The following NAALADL2 variants were observed in gnomAD, a reference collection of about 807,000 sequenced individuals.
NAALADL2 encodes the protein inactive N-acetylated-alpha-linked acidic dipeptidase-like protein 2.
A neutral mutation model predicts 87.2 loss-of-function variants in NAALADL2; 76 were observed. The ratio of observed to expected loss-of-function variants is 0.87; its 90% CI spans 0.72 to 1.05. The LOEUF (loss-of-function observed/expected upper bound fraction) is 1.05, where lower values mean the gene tolerates loss of function less well. Ranked by LOEUF, NAALADL2 falls within the 50% of genes least tolerant of loss-of-function variation. The pLI is 0.00. For synonymous variants in NAALADL2, 354 were observed against 331.0 expected (o/e 1.07, Z -0.75); for missense variants, 1,089 against 945.8 (o/e 1.15, Z -1.99).
intron 4 of NAALADL2, among the ~76,000 whole-genome samples, chr3:175,323,189 G>A (rs1193670575): frequency 6.7e-6 from 1 of 150,066 alleles, no homozygotes; most frequent in Non-Finnish European, 1.5e-5. Context: ...TCCTTTGTAG[G>A]GACATGGATG....
chr3:174,464,730 G>T (rs1028994111), intron 1 of NAALADL2, among the ~76,000 whole-genome samples: 1 of 151,708 alleles, frequency 6.6e-6, no homozygotes, highest in Non-Finnish European at 1.5e-5. Flanking sequence ...AGATTAACAT[G>T]CAATACATAT....
At chr3:175,297,929 G>T (rs1405324287) in intron 4 of NAALADL2, among the ~76,000 whole-genome samples, 5 of 152,136 alleles carry the variant, frequency 3.3e-5, no homozygotes, top group African/African-American at 1.2e-4. Flanking sequence ...TAATAACTAT[G>T]AATACATTGT....
intron 4 of NAALADL2, among the ~76,000 whole-genome samples, chr3:175,259,814 G>T (rs1487292632): frequency 6.6e-6 from 1 of 152,136 alleles, no homozygotes. Flanking sequence ...GATCACGTAA[G>T]CCCAGGAGTT....
At chr3:174,630,219 T>C (rs1360651504) in intron 2 of NAALADL2, among the ~76,000 whole-genome samples, 1 of 152,136 alleles carries the variant, frequency 6.6e-6, no homozygotes, top group Non-Finnish European at 1.5e-5. Context: ...TTATTTATCA[T>C]TTTTTGACTT....
At chr3:174,979,057 A>G (rs191121974) in intron 1 of NAALADL2, among the ~76,000 whole-genome samples, 1 of 152,268 alleles carries the variant, frequency 6.6e-6, no homozygotes, top group Admixed American at 6.5e-5. Flanking sequence ...GATGTTGCCT[A>G]TTTAATCCAT....
intron 2 of NAALADL2, among the ~76,000 whole-genome samples, chr3:174,559,633 T>A (rs763774011): frequency 2.6e-5 from 4 of 152,172 alleles, no homozygotes; most frequent in Non-Finnish European, 5.9e-5. Flanking sequence ...AAGTCTGAAA[T>A]TAGGTTGCCA....
At chr3:174,778,933 A>G (rs1715583325) in intron 3 of NAALADL2, among the ~76,000 whole-genome samples, 1 of 152,190 alleles carries the variant, frequency 6.6e-6, no homozygotes, top group East Asian at 1.9e-4. Context: ...GTGCCACAGT[A>G]AACATATGTG....
At chr3:175,349,819 C>G (rs1030101494) in intron 5 of NAALADL2, among the ~76,000 whole-genome samples, 1 of 152,026 alleles carries the variant, frequency 6.6e-6, no homozygotes, top group Admixed American at 6.6e-5. Flanking sequence ...AAATCAAGGC[C>G]GATGACTGGA....
intron 6 of NAALADL2, among the ~76,000 whole-genome samples, chr3:175,449,834 T>A (rs1301086146): frequency 6.6e-6 from 1 of 152,188 alleles, no homozygotes; most frequent in East Asian, 1.9e-4. Flanking sequence ...GCAAGAAAGA[T>A]AGGCCTACTT....
chr3:175,534,664 T>G (rs959766256), intron 9 of NAALADL2, among the ~76,000 whole-genome samples: 25 of 152,136 alleles, frequency 1.6e-4, no homozygotes, highest in Non-Finnish European at 2.9e-4. Context: ...TTTTTTTTTT[T>G]TCTTTCCAAT....
At chr3:175,581,172 TG>T (rs1217085496) in intron 10 of NAALADL2, 1 of 384,476 alleles carries the variant, frequency 2.6e-6, no homozygotes, top group Middle Eastern at 7.2e-4. Context: ...CCGGACGCGG[TG>T]GCTCATGCCT....
At chr3:175,282,700 A>G (rs904380565) in intron 4 of NAALADL2, among the ~76,000 whole-genome samples, 2 of 152,064 alleles carry the variant, frequency 1.3e-5, no homozygotes, top group Admixed American at 1.3e-4. Context: ...CATTTATTCA[A>G]CAACTCAGCA....
At chr3:175,115,358 T>G (rs959036903) in intron 2 of NAALADL2, 5 of 151,640 alleles carry the variant, frequency 3.3e-5, no homozygotes, top group African/African-American at 1.2e-4. Flanking sequence ...AGTTACAGTT[T>G]CTTGACATGT....
intron 3 of NAALADL2, among the ~76,000 whole-genome samples, chr3:174,767,508 G>A (rs752750479): frequency 5.3e-5 from 8 of 152,036 alleles, no homozygotes; most frequent in South Asian, 2.1e-4. Context: ...GCACTCAAAC[G>A]TTATATGGTG....
chr3:175,553,853 G>T (rs575530726), intron 9 of NAALADL2, among the ~76,000 whole-genome samples: 97 of 151,884 alleles, frequency 6.4e-4, no homozygotes, highest in African/African-American at 2.2e-3. Flanking sequence ...TATTTATAAA[G>T]CGTCTTCTAT....
intron 1 of NAALADL2, among the ~76,000 whole-genome samples, chr3:175,078,121 T>A (rs971977987): frequency 6.6e-6 from 1 of 151,782 alleles, no homozygotes; most frequent in African/African-American, 2.4e-5. Flanking sequence ...GCCTCCCAGG[T>A]TCAAGCAATT....
rs114984148 is a variant in NAALADL2 at position 175,537,825 on chromosome 3, G to A, written c.1654-38216G>A. On this transcript the variant is annotated intron_variant, in intron 9 of 13. Transcript: ENST00000454872. The stretch of plus-strand genomic sequence containing the variant: ...AAATTTGAAGAAATATGCCTAGCAT[G>A]TACAGAATTGGGAAGAAAATGCTAG... Among the ~76,000 whole-genome samples, 857 of 152,300 alleles carry A rather than the reference G, an allele frequency of 5.6e-3. 6 individuals are homozygous for A. Among genetic ancestry groups the A allele is most frequent in the African/African-American group, 0.018 (758 of 41,578 alleles).
intron 2 of NAALADL2, among the ~76,000 whole-genome samples, chr3:174,642,763 TATATATATATATATATATATATATA>T (rs1298267507): frequency 9.1e-4 from 33 of 36,334 alleles, no homozygotes; most frequent in African/African-American, 4.9e-3. Context: ...TATATATATA[TATATATATATATATATATATATATA>T]TGTTTTTTTT....
At chr3:175,273,341 G>A (rs1007487828) in intron 4 of NAALADL2, among the ~76,000 whole-genome samples, 1 of 151,950 alleles carries the variant, frequency 6.6e-6, no homozygotes, top group Non-Finnish European at 1.5e-5. Flanking sequence ...TATTAATTTG[G>A]TAGCATATTT....
Sources: allele counts gnomAD v4.1 joint callset (sites outside exome capture counted in the v4.1 genomes callset), GRCh38; gene constraint gnomAD v4.1.1; transcripts MANE v1.5; gene names NCBI Gene and HGNC (gene_info 2026-07-23, HGNC 2026-07-21).